The following LRPAP1 variants were observed in gnomAD, a reference collection of about 807,000 sequenced individuals.
LRPAP1 encodes alpha-2-macroglobulin receptor-associated protein.
LRPAP1 carries 41 observed loss-of-function variants against 39.9 expected under a neutral mutation model. The observed-to-expected ratio is 1.03, with a 90% CI of 0.80 to 1.33. The LOEUF (loss-of-function observed/expected upper bound fraction) is 1.33. Among genes scored for constraint, LRPAP1 ranks in the 40% most tolerant of loss-of-function variants. The pLI, the probability that LRPAP1 is intolerant of heterozygous loss-of-function variation, is 0.00. For synonymous variants in LRPAP1, 263 were observed against 212.7 expected, an observed-to-expected ratio of 1.24 and a Z score of -2.06; for missense variants, 565 against 482.3, an observed-to-expected ratio of 1.17 and a Z score of -1.61.
In LRPAP1 at chr4:3,507,124, C is replaced by G. The variant is rs752437565; in HGVS notation, c.*5850G>C. On this transcript the variant is annotated 3_prime_UTR_variant, in exon 8 of 8. Coordinates refer to ENST00000650182, the MANE Select transcript of LRPAP1 (RefSeq NM_002337.4). ...CTGTAGTCCCAGCTACTCAGAAGAC[C>G]GAGGTGGGAGGCTCGCTTGAGCCCA... 6.6e-6 allele frequency: 1 copy of G among 152,166 alleles called. No individual in the cohort carries two copies. The highest frequency in any genetic ancestry group is 2.4e-5 in the African/African-American group (1 of 41,444). 9.4% of individuals were successfully genotyped at this position (152,166 alleles called of 1,614,324 possible).
intron 1 of LRPAP1, 45 bp from the exon 2 acceptor site, chr4:3,525,096 C>A (rs369979869): frequency 3.1e-6 from 5 of 1,610,064 alleles, no homozygotes; most frequent in African/African-American, 1.3e-5. Context: ...GCAGGACGGA[C>A]CAGGACACAG....
intron 1 of LRPAP1, among the ~76,000 whole-genome samples, chr4:3,527,262 A>C (rs565099897): frequency 6.8e-6 from 1 of 146,806 alleles, no homozygotes; most frequent in Non-Finnish European, 1.5e-5. Context: ...CCTTCTCCCC[A>C]GAGCTCCACC....
chr4:3,517,864 C>G, intron 5 of LRPAP1, 170 bp downstream of exon 5: 1 of 707,500 alleles, frequency 1.4e-6, no homozygotes, highest in Middle Eastern at 4.1e-4. Flanking sequence ...CGGAGCAGCT[C>G]CTGGGAGCGA....
At position 3,518,878 on chromosome 4, in the gene LRPAP1, C is replaced by A; in HGVS notation, c.585G>T (p.Arg195Ser). The A allele has an allele frequency of 6.2e-7, 1 of 1,602,934 alleles. No homozygotes were observed. Residue 195 changes from arginine (R) to serine (S), a missense_variant, in exon 4 of 8, where the codon AGG becomes AGT. Coordinates refer to ENST00000650182, the MANE Select transcript of LRPAP1 (RefSeq NM_002337.4). Reference protein sequence around the residue: ...EYNVLLETLSRTEEIHENVIS... With the variant: ...EYNVLLETLSSTEEIHENVIS... ...GGTGGGGGCGGGGGGCACCTTCGGTCCTGCTCAGGGTCTCCAGCAGGACGT... is the reference window on the plus strand; with the variant it reads ...GGTGGGGGCGGGGGGCACCTTCGGTACTGCTCAGGGTCTCCAGCAGGACGT...
In LRPAP1 at chr4:3,525,043, A is replaced by G. The variant is rs762831489; in HGVS notation, c.213T>C (p.Leu71=). 1.2e-6 allele frequency: 2 copies of G among 1,613,898 alleles called. No individual in the cohort carries two copies. Among genetic ancestry groups the G allele is most frequent in the South Asian group, 2.2e-5 (2 of 91,072 alleles). Residue 71 remains leucine (L), a synonymous_variant, in exon 2 of 8, where the codon CTT becomes CTC. Coordinates refer to ENST00000650182, the MANE Select transcript of LRPAP1 (RefSeq NM_002337.4). ...QLWEKAQRLH[L]PPVRLAELHA... ...GGAGCTCGGCCAGCCTCACGGGAGG[A>G]AGATGCAGCTGCGAACGAAGGGGAG...
chr4:3,515,957 A>C, intron 6 of LRPAP1, 159 bp downstream of exon 6: 2 of 698,416 alleles, frequency 2.9e-6, no homozygotes, highest in Non-Finnish European at 4.8e-6. Context: ...CGCAGATGAG[A>C]AGGAAAACGC....
chr4:3,512,834 C>G lies in LRPAP1; in HGVS notation c.*140G>C. On this transcript the variant is annotated 3_prime_UTR_variant, in exon 8 of 8. Transcript: ENST00000650182. The stretch of plus-strand genomic sequence containing the variant: ...GTCGCGACGGCAGCGGCTGCAGTCA[C>G]CAGAAACAATCCTTCCTGCCTCGAC... 2.9e-6 allele frequency: 2 copies of G among 686,206 alleles called. No homozygotes were observed. Among genetic ancestry groups the G allele is most frequent in the South Asian group, 3.8e-5 (2 of 53,108 alleles). 42.5% of individuals were successfully genotyped at this position (686,206 alleles called of 1,614,324 possible).
intron 1 of LRPAP1, among the ~76,000 whole-genome samples, chr4:3,529,042 C>T (rs1458521943): frequency 6.6e-6 from 1 of 152,096 alleles, no homozygotes; most frequent in Non-Finnish European, 1.5e-5. Context: ...TGTCTGCGTG[C>T]GGTGCCTCCT....
intron 7 of LRPAP1, 118 bp from the exon 8 acceptor site, chr4:3,513,154 C>A (rs1387965613): frequency 1.4e-6 from 1 of 722,062 alleles, no homozygotes; most frequent in East Asian, 2.7e-5. Context: ...CCCTGCACAT[C>A]TGACTTTCCA....
rs1729571952 is a variant in LRPAP1, at chr4:3,512,851, TGCCTCGACACCCGTGCCAGCCCCA to T, written c.*99_*122del. 1.1e-5 allele frequency: 8 copies of T among 757,958 alleles called. No individual in the cohort carries two copies. In the East Asian group the frequency reaches 2.2e-4, roughly 21 times the overall value. 47.0% of individuals were successfully genotyped at this position (757,958 alleles called of 1,614,324 possible). A position where few individuals can be genotyped will look rare whatever the true frequency, so the allele number is the denominator to read the frequency against. ...TGCAGTCACCAGAAACAATCCTTCC[TGCCTCGACACCCGTGCCAGCCCCA>T]GCCACCCTGACGGCGGGCTGTCCAC... On this transcript the variant is annotated 3_prime_UTR_variant, in exon 8 of 8. Transcript: ENST00000650182.
chr4:3,518,725 G>T lies in LRPAP1; in HGVS notation c.592+146C>A, dbSNP rs60014705. ...CACAAGTCCGGTGGAACCCTGGGAGGGCGTCTGGTGCCGCCTCCCTGCCCC... is the reference window on the plus strand; with the variant it reads ...CACAAGTCCGGTGGAACCCTGGGAGTGCGTCTGGTGCCGCCTCCCTGCCCC... On this transcript the variant is annotated intron_variant, in intron 4 of 7. Coordinates refer to ENST00000650182, the MANE Select transcript of LRPAP1 (RefSeq NM_002337.4). 2.8e-3 allele frequency: 1,649 copies of T among 585,002 alleles called. 26 individuals are homozygous for T. The highest frequency in any genetic ancestry group is 0.027 in the African/African-American group (1,450 of 53,070). 36.2% of individuals were successfully genotyped at this position (585,002 alleles called of 1,614,324 possible).
At chr4:3,520,570 G>A (rs542841787) in intron 2 of LRPAP1, among the ~76,000 whole-genome samples, 1 of 152,348 alleles carries the variant, frequency 6.6e-6, no homozygotes, top group South Asian at 2.1e-4. Flanking sequence ...TTAGCGACCA[G>A]CTGCACAGAT....
At position 3,503,744 on chromosome 4, in the gene LRPAP1, C is replaced by A. The variant is rs1729269635; in HGVS notation, c.*9230G>T. 6.6e-6 allele frequency: 1 copy of A among 152,278 alleles called. No individual in the cohort carries two copies. The highest frequency in any genetic ancestry group is 6.5e-5 in the Admixed American group (1 of 15,288). 9.4% of individuals were successfully genotyped at this position (152,278 alleles called of 1,614,324 possible). On this transcript the variant is annotated 3_prime_UTR_variant, in exon 8 of 8. Transcript: ENST00000650182. ...ACGCGCTTGTTTCACAAAACAACAGCAGACAACAGAGATTTCCAACTCCAG... is the reference window on the plus strand; with the variant it reads ...ACGCGCTTGTTTCACAAAACAACAGAAGACAACAGAGATTTCCAACTCCAG...
rs559905980 is a variant in LRPAP1, at chr4:3,512,713, G to A, written c.*261C>T. On this transcript the variant is annotated 3_prime_UTR_variant, in exon 8 of 8. Coordinates refer to ENST00000650182, the MANE Select transcript of LRPAP1 (RefSeq NM_002337.4). The stretch of plus-strand genomic sequence containing the variant: ...GCTGGACATCGAGGTCCTCACTGGG[G>A]TGGTGACTGCCACGCTGATGCTGAG... 5.5e-5 allele frequency: 28 copies of A among 511,240 alleles called. No homozygotes were observed. The highest frequency in any genetic ancestry group is 4.0e-4 in the African/African-American group (21 of 52,250). The allele number at this position is 511,240 out of a possible 1,614,324, so 31.7% of individuals were successfully genotyped here. A position where few individuals can be genotyped will look rare whatever the true frequency, so the allele number is the denominator to read the frequency against.
Position 3,516,097 on chromosome 4 carries a change from G to C in LRPAP1, c.834+19C>G, listed in dbSNP as rs374533537. On this transcript the variant is annotated intron_variant, in intron 6 of 7. Transcript: ENST00000650182. The stretch of plus-strand genomic sequence containing the variant: ...TCACCACAGGAGAGAGCTAGAAGGA[G>C]AGGGCCGTGTTTCCTTACCCGGAAC... 26 of 1,559,950 alleles carry C rather than the reference G, an allele frequency of 1.7e-5. No individual in the cohort carries two copies. Among genetic ancestry groups the C allele is most frequent in the African/African-American group, 2.7e-5 (2 of 73,918 alleles).
intron 2 of LRPAP1, among the ~76,000 whole-genome samples, chr4:3,522,551 G>A (rs1729943107): frequency 1.3e-5 from 2 of 150,318 alleles, no homozygotes. Context: ...CCCTGCCCGG[G>A]GAGGACAGAC....
At chr4:3,515,515 C>A (rs535888563) in intron 6 of LRPAP1, among the ~76,000 whole-genome samples, 2 of 152,246 alleles carry the variant, frequency 1.3e-5, no homozygotes, top group Admixed American at 6.5e-5. Flanking sequence ...GAGGGCAGGA[C>A]CACACCCACC....
Position 3,532,394 on chromosome 4 carries a change from T to C in LRPAP1, c.19A>G (p.Arg7Gly), listed in dbSNP as rs17848316. 3.5e-5 allele frequency: 56 copies of C among 1,582,770 alleles called. No homozygotes were observed. In the East Asian group the frequency reaches 9.4e-4, roughly 27 times the overall value. MAPRRV[R>G]SFLRGLPALL... ...GCCGGGAGCCCGCGCAGAAACGACC[T>C]GACCCTCCGCGGCGCCATCTTCCTC... Residue 7 changes from arginine to glycine, a missense_variant, in exon 1 of 8, where the codon AGG (arginine) becomes GGG (glycine). By Grantham distance (125) the Arg-to-Gly change is moderately radical. Coordinates refer to ENST00000650182, the MANE Select transcript of LRPAP1 (RefSeq NM_002337.4).
At chr4:3,514,136 G>T (rs1200696849) in intron 7 of LRPAP1, among the ~76,000 whole-genome samples, 1 of 152,252 alleles carries the variant, frequency 6.6e-6, no homozygotes, top group African/African-American at 2.4e-5. Context: ...TGCACATTCT[G>T]CCAGGCAGAC....
Sources: gnomAD v4.1 joint callset for allele counts (sites outside exome capture counted in the v4.1 genomes callset) on GRCh38, gnomAD v4.1.1 for gene constraint, MANE v1.5 for transcripts, NCBI Gene and HGNC (gene_info 2026-07-23, HGNC 2026-07-21) for gene names.